Variants in TTLL1 observed in about 807,000 individuals in gnomAD.
TTLL1 encodes TTL family tubulin polyglutamylase complex subunit L1, also known as polyglutamylase complex subunit TTLL1.
Under a neutral mutation model 47.8 loss-of-function variants are expected in TTLL1, and 33 were observed. The observed-to-expected ratio is 0.69, with a 90% CI of 0.52 to 0.92. The LOEUF (loss-of-function observed/expected upper bound fraction) is 0.92, where lower values mean the gene tolerates loss of function less well. TTLL1 is among the 40% of genes least tolerant of loss of function. TTLL1 has a pLI of 0.00. For missense variants in TTLL1, 488 were observed against 547.5 expected (o/e 0.89, Z 1.08); for synonymous variants, 225 against 214.1 (o/e 1.05, Z -0.45).
At chr22:43,088,485 C>T (rs1288056759) in intron 1 of TTLL1, among the ~76,000 whole-genome samples, 2 of 146,708 alleles carry the variant, frequency 1.4e-5, no homozygotes, top group Non-Finnish European at 1.5e-5. Flanking sequence ...TACAGGCCCC[C>T]GCCACCATGC....
intron 5 of TTLL1, among the ~76,000 whole-genome samples, chr22:43,064,584 G>A (rs977163399): frequency 2.6e-5 from 4 of 151,828 alleles, no homozygotes; most frequent in Non-Finnish European, 5.9e-5. Context: ...AAATTAGCCC[G>A]GTGTGGTGGT....
intron 10 of TTLL1, among the ~76,000 whole-genome samples, chr22:43,041,808 G>T (rs867674938): frequency 6.6e-6 from 1 of 152,110 alleles, no homozygotes; most frequent in Admixed American, 6.6e-5. Flanking sequence ...GAGCCACTGC[G>T]CCTGGCCGCA....
At chr22:43,059,324 A>G in intron 8 of TTLL1, 60 bp downstream of exon 8, 2 of 1,557,630 alleles carry the variant, frequency 1.3e-6, no homozygotes, top group Admixed American at 3.8e-5. Context: ...GAAAGACAGC[A>G]AGCCCCCCCA....
At chr22:43,056,031 C>T (rs1227333104) in intron 8 of TTLL1, among the ~76,000 whole-genome samples, 1 of 152,104 alleles carries the variant, frequency 6.6e-6, no homozygotes, top group East Asian at 1.9e-4. Flanking sequence ...AGGCGTGAGC[C>T]ACCATACCTG....
At chr22:43,064,071 T>C in intron 6 of TTLL1, 119 bp downstream of exon 6, 4 of 1,515,296 alleles carry the variant, frequency 2.6e-6, no homozygotes, top group African/African-American at 1.4e-5. Context: ...CCTCAATCCC[T>C]GCCCCGTGCC....
At chr22:43,075,800 A>G (rs1308006461) in intron 2 of TTLL1, among the ~76,000 whole-genome samples, 2 of 152,186 alleles carry the variant, frequency 1.3e-5, no homozygotes, top group Non-Finnish European at 2.9e-5. Flanking sequence ...GGCATCGGGC[A>G]TGTCCAGGCC....
At chr22:43,069,220 C>CAAAAAAAAAA (rs66913313) in intron 4 of TTLL1, among the ~76,000 whole-genome samples, 56 of 80,150 alleles carry the variant, frequency 7.0e-4, no homozygotes, top group Non-Finnish European at 8.2e-4. Context: ...ACTAAAAATA[C>CAAAAAAAAAA]AAAAAAAAAA....
At chr22:43,055,413 C>T (rs1926933866) in intron 8 of TTLL1, among the ~76,000 whole-genome samples, 1 of 152,156 alleles carries the variant, frequency 6.6e-6, no homozygotes, top group South Asian at 2.1e-4. Context: ...CTCCCTGTAG[C>T]CTCCATCTTC....
At chr22:43,072,776 C>T (rs1038416859) in intron 3 of TTLL1, among the ~76,000 whole-genome samples, 2 of 151,908 alleles carry the variant, frequency 1.3e-5, no homozygotes, top group Admixed American at 1.3e-4. Flanking sequence ...CCAGGCACCC[C>T]ACCACCCAGC....
intron 8 of TTLL1, among the ~76,000 whole-genome samples, chr22:43,057,581 T>A (rs773982796): frequency 1.3e-5 from 2 of 152,056 alleles, no homozygotes; most frequent in African/African-American, 4.8e-5. Flanking sequence ...ATGGGAAGTA[T>A]CCCACCACAC....
At position 43,042,248 on chromosome 22, in the gene TTLL1, G is replaced by A. The variant is rs142262221; in HGVS notation, c.1143-2343C>T. On this transcript the variant is annotated intron_variant, in intron 10 of 10. Coordinates refer to ENST00000266254, the MANE Select transcript of TTLL1 (RefSeq NM_012263.5). ...GACCACATATGGTGACCGGTTTCAC[G>A]GAGCACTTGTGCTGATCTGTGTGGC... Among the ~76,000 whole-genome samples, 441 of 152,282 alleles carry A rather than the reference G, an allele frequency of 2.9e-3. 1 individual carries two copies. The highest frequency in any genetic ancestry group is 0.01 in the African/African-American group (429 of 41,572).
intron 6 of TTLL1, 73 bp from the exon 7 acceptor site, chr22:43,063,994 AAGAGCTGCTTTT>A: frequency 6.5e-7 from 1 of 1,545,274 alleles, no homozygotes; most frequent in Non-Finnish European, 8.9e-7. Flanking sequence ...ATTCTCTAAA[AAGAGCTGCTTTT>A]GTGTGTGTGA....
chr22:43,088,294 T>C (rs1405785968), intron 1 of TTLL1, among the ~76,000 whole-genome samples: 2 of 149,940 alleles, frequency 1.3e-5, no homozygotes, highest in Non-Finnish European at 3.0e-5. Context: ...CTTACCAGTG[T>C]CTGTAATTTG....
chr22:43,082,252 T>A (rs550783037), intron 1 of TTLL1, among the ~76,000 whole-genome samples: 1 of 152,080 alleles, frequency 6.6e-6, no homozygotes, highest in South Asian at 2.1e-4. Context: ...GGGCTTGATA[T>A]CATCACCAAT....
At chr22:43,083,558 G>A (rs1389726617) in intron 1 of TTLL1, among the ~76,000 whole-genome samples, 2 of 151,684 alleles carry the variant, frequency 1.3e-5, no homozygotes, top group East Asian at 1.9e-4. Flanking sequence ...CAGAAACCCC[G>A]TCTCTACTAA....
In TTLL1 at chr22:43,056,372, G is replaced by GA. The variant is rs970858598; in HGVS notation, c.891+3011dup. 5.9e-3 allele frequency among the ~76,000 whole-genome samples: 532 copies of GA among 90,934 alleles called. 1 individual carries two copies. Among genetic ancestry groups the GA allele is most frequent in the African/African-American group, 0.017 (426 of 24,760 alleles). 59.7% of individuals were successfully genotyped at this position (90,934 alleles called of 152,430 possible). ...GACTCTGTCTCAAAAAAAAAAAATT[G>GA]AAAAAAAAAAAAATGTTCACACATC... On this transcript the variant is annotated intron_variant, in intron 8 of 10. Transcript: ENST00000266254.
intron 9 of TTLL1, among the ~76,000 whole-genome samples, chr22:43,051,159 C>T (rs1453685915): frequency 6.6e-6 from 1 of 152,222 alleles, no homozygotes; most frequent in African/African-American, 2.4e-5. Context: ...CCTTGGAGGC[C>T]TGAAGCTCCT....
At chr22:43,050,028 C>T (rs1189855675) in intron 9 of TTLL1, among the ~76,000 whole-genome samples, 4 of 151,912 alleles carry the variant, frequency 2.6e-5, no homozygotes, top group Non-Finnish European at 4.4e-5. Flanking sequence ...ACCCGGGAGG[C>T]GGGGGTTGCA....
chr22:43,069,408 A>C (rs1223774620), intron 4 of TTLL1, among the ~76,000 whole-genome samples: 3 of 150,934 alleles, frequency 2.0e-5, no homozygotes, highest in African/African-American at 7.3e-5. Context: ...AAAAAAAAAA[A>C]AACGCCATGC....
Sources: gnomAD v4.1 joint callset for allele counts (sites outside exome capture counted in the v4.1 genomes callset) on GRCh38, gnomAD v4.1.1 for gene constraint, MANE v1.5 for transcripts, NCBI Gene and HGNC (gene_info 2026-07-23, HGNC 2026-07-21) for gene names.